Variants in CDK5RAP2 observed in about 807,000 individuals in gnomAD.
CDK5RAP2 encodes the protein CDK5 regulatory subunit-associated protein 2.
CDK5RAP2 carries 147 observed loss-of-function variants against 232.9 expected under a neutral mutation model. The ratio of observed to expected loss-of-function variants is 0.63; its 90% confidence interval spans 0.55 to 0.72. The LOEUF is 0.72. Ranked by LOEUF, CDK5RAP2 falls within the 30% of genes least tolerant of loss-of-function variation. The pLI is 0.00. For synonymous variants in CDK5RAP2, 833 were observed against 833.7 expected, an observed-to-expected ratio of 1.00 and a Z score of 0.01; for missense variants, 2,195 against 2,231.5, an observed-to-expected ratio of 0.98 and a Z score of 0.33.
chr9:120,522,363 T>G (rs1042895404), intron 11 of CDK5RAP2, among the ~76,000 whole-genome samples: 2 of 152,212 alleles, frequency 1.3e-5, no homozygotes, highest in African/African-American at 4.8e-5. Context: ...AAAGACTTGG[T>G]AGGTCTACAT....
chr9:120,522,912 G>A (rs1224928476), intron 11 of CDK5RAP2, among the ~76,000 whole-genome samples: 2 of 152,216 alleles, frequency 1.3e-5, no homozygotes, highest in African/African-American at 2.4e-5. Flanking sequence ...ATACCTCACA[G>A]TGAGATAGCC....
intron 14 of CDK5RAP2, among the ~76,000 whole-genome samples, chr9:120,481,332 C>T (rs1272245648): frequency 1.3e-5 from 2 of 152,008 alleles, no homozygotes; most frequent in Non-Finnish European, 2.9e-5. Flanking sequence ...TCACTGTCAG[C>T]CACATAAAGG....
At chr9:120,456,780 A>C (rs2036802037) in intron 20 of CDK5RAP2, among the ~76,000 whole-genome samples, 1 of 152,192 alleles carries the variant, frequency 6.6e-6, no homozygotes, top group South Asian at 2.1e-4. Flanking sequence ...CCACCAAACA[A>C]CACAATAAAA....
chr9:120,473,903 C>T (rs971955716), intron 15 of CDK5RAP2, among the ~76,000 whole-genome samples: 1 of 152,168 alleles, frequency 6.6e-6, no homozygotes, highest in Non-Finnish European at 1.5e-5. Context: ...TTTATGTTTT[C>T]CCAACTTGAG....
At chr9:120,389,538 A>G (rs2031720917) in intron 37 of CDK5RAP2, among the ~76,000 whole-genome samples, 1 of 152,244 alleles carries the variant, frequency 6.6e-6, no homozygotes, top group African/African-American at 2.4e-5. Flanking sequence ...TAAAAATAGC[A>G]TACAAATTTA....
chr9:120,436,990 C>T (rs530764973), intron 25 of CDK5RAP2, among the ~76,000 whole-genome samples: 181 of 152,280 alleles, frequency 1.2e-3, no homozygotes, highest in African/African-American at 4.3e-3. Flanking sequence ...GATGCAAGAA[C>T]TGGCAACTAC....
At chr9:120,454,318 G>T (rs1180039249) in intron 20 of CDK5RAP2, among the ~76,000 whole-genome samples, 2 of 152,158 alleles carry the variant, frequency 1.3e-5, no homozygotes, top group Non-Finnish European at 2.9e-5. Flanking sequence ...CAACCTGGCT[G>T]GTCCATCGAT....
intron 35 of CDK5RAP2, among the ~76,000 whole-genome samples, chr9:120,395,654 G>A (rs1433840431): frequency 1.3e-5 from 2 of 152,246 alleles, no homozygotes; most frequent in Non-Finnish European, 2.9e-5. Context: ...GTCAGCTCAC[G>A]AAGAGTCACT....
At chr9:120,396,078 T>C (rs2032439762) in intron 35 of CDK5RAP2, among the ~76,000 whole-genome samples, 1 of 152,244 alleles carries the variant, frequency 6.6e-6, no homozygotes. Flanking sequence ...ATCAAAAGAA[T>C]GGCAAATGAA....
chr9:120,407,233 C>T lies in CDK5RAP2; in HGVS notation c.4742G>A (p.Gly1581Asp), dbSNP rs1389921013. The T allele has an allele frequency of 1.2e-6, 2 of 1,612,610 alleles. No individual in the cohort carries two copies. The highest frequency in any genetic ancestry group is 2.2e-5 in the East Asian group (1 of 44,878). Residue 1581 changes from glycine (G) to aspartate (D), a missense_variant, in exon 32 of 38, where the codon GGC (glycine) becomes GAC (aspartate). Physicochemically the swap from Gly to Asp is moderately conservative, Grantham distance 94. Transcript: ENST00000349780. The part of the protein sequence containing the change: ...HRRLREASGE[G>D]WKGQDPFRDL... ...CCTGAAAGGATCCTGCCCCTTCCAG[C>T]CTTCTCCCGACGCCTCTGAGGACAT...
At chr9:120,433,493 C>T (rs777349310) in intron 25 of CDK5RAP2, among the ~76,000 whole-genome samples, 6 of 152,268 alleles carry the variant, frequency 3.9e-5, no homozygotes, top group South Asian at 2.1e-4. Flanking sequence ...GAAACTGAGG[C>T]AAGGAATTAA....
rs1406450608 is a variant in CDK5RAP2, at chr9:120,572,056, A to C, written c.60-15T>G. On this transcript the variant is annotated splice_polypyrimidine_tract_variant and intron_variant, in intron 1 of 37. Transcript: ENST00000349780. ...GAACAAGGCCACTAGGAGAGAACAC[A>C]TGAGATAAGAGATGAGCTAATGTTT... The C allele has an allele frequency of 1.3e-6, 2 of 1,594,224 alleles. No individual in the cohort carries two copies. Among genetic ancestry groups the C allele is most frequent in the East Asian group, 2.2e-5 (1 of 44,758 alleles).
chr9:120,409,566 T>C (rs2033715828), intron 29 of CDK5RAP2, among the ~76,000 whole-genome samples: 1 of 152,214 alleles, frequency 6.6e-6, no homozygotes, highest in Non-Finnish European at 1.5e-5. Context: ...GCAAACCTAG[T>C]TACTTTGCCT....
At chr9:120,496,407 C>A (rs1323500250) in intron 12 of CDK5RAP2, among the ~76,000 whole-genome samples, 2 of 143,296 alleles carry the variant, frequency 1.4e-5, no homozygotes, top group Admixed American at 6.7e-5. Context: ...CCCCGCCCAG[C>A]CAGCCGCCCT....
intron 22 of CDK5RAP2, among the ~76,000 whole-genome samples, chr9:120,446,601 C>G (rs1317674118): frequency 6.6e-6 from 1 of 152,154 alleles, no homozygotes; most frequent in African/African-American, 2.4e-5. Context: ...TCCAATCTTA[C>G]CAAGTAAAAG....
At chr9:120,459,082 T>C (rs1465015210) in intron 19 of CDK5RAP2, among the ~76,000 whole-genome samples, 1 of 152,256 alleles carries the variant, frequency 6.6e-6, no homozygotes, top group Admixed American at 6.5e-5. Flanking sequence ...GTGCTTATTA[T>C]ATTCTTCTTG....
At chr9:120,516,257 A>G (rs1010903031) in intron 12 of CDK5RAP2, among the ~76,000 whole-genome samples, 1 of 151,632 alleles carries the variant, frequency 6.6e-6, no homozygotes, top group Non-Finnish European at 1.5e-5. Context: ...TCAGCAAACT[A>G]TTGCAAGGAC....
At chr9:120,502,591 C>G (rs1190660858) in intron 12 of CDK5RAP2, among the ~76,000 whole-genome samples, 2 of 152,238 alleles carry the variant, frequency 1.3e-5, no homozygotes, top group Non-Finnish European at 2.9e-5. Flanking sequence ...CACAAATCCC[C>G]TAACAGAGTT....
intron 6 of CDK5RAP2, among the ~76,000 whole-genome samples, chr9:120,537,031 A>T (rs2041423902): frequency 6.6e-6 from 1 of 152,112 alleles, no homozygotes. Context: ...AGAGAAGCCA[A>T]CGAGGAAATT....
Sources: gnomAD v4.1 joint callset for allele counts (sites outside exome capture counted in the v4.1 genomes callset) on GRCh38, gnomAD v4.1.1 for gene constraint, MANE v1.5 for transcripts, NCBI Gene and HGNC (gene_info 2026-07-23, HGNC 2026-07-21) for gene names.